Variants in TEN1 observed in about 807,000 individuals in gnomAD.
TEN1 encodes CST complex subunit TEN1.
TEN1 carries 6 observed loss-of-function variants against 9.3 expected under a neutral mutation model. The ratio of observed to expected loss-of-function variants is 0.65; its 90% CI spans 0.35 to 1.27. TEN1 has a LOEUF of 1.27. TEN1 is among the 50% of genes most tolerant of loss of function. The pLI is 0.03. For missense variants in TEN1, 149 were observed against 158.2 expected, an observed-to-expected ratio of 0.94 and a Z score of 0.31; for synonymous variants, 65 against 65.6, an observed-to-expected ratio of 0.99 and a Z score of 0.04.
Position 75,979,277 on chromosome 17 carries a change from G to A in TEN1, c.-241G>A. ...GAGTGACAGCGGCCCAGACAGAGGG[G>A]GCGATGTCCGCGTCGTGGCTGGGGC... On this transcript the variant is annotated 5_prime_UTR_variant, in exon 1 of 4. Transcript: ENST00000397640. 1 of 696,620 alleles carries A rather than the reference G, an allele frequency of 1.4e-6. No homozygotes were observed. The highest frequency in any genetic ancestry group is 2.4e-6 in the Non-Finnish European group (1 of 410,026). The allele number at this position is 696,620 out of a possible 1,614,324, so 43.2% of individuals were successfully genotyped here.
At chr17:75,994,766 G>A (rs1281488187) in intron 3 of TEN1, among the ~76,000 whole-genome samples, 2 of 152,036 alleles carry the variant, frequency 1.3e-5, no homozygotes, top group East Asian at 3.9e-4. Flanking sequence ...GTGAGCCACC[G>A]CGCCCGGCCT....
At chr17:75,981,599 T>G (rs1037069196) in intron 1 of TEN1, among the ~76,000 whole-genome samples, 22 of 149,530 alleles carry the variant, frequency 1.5e-4, no homozygotes, top group Non-Finnish European at 2.5e-4. Flanking sequence ...GCAAGTTGTT[T>G]TTTTTTTTTT....
intron 3 of TEN1, among the ~76,000 whole-genome samples, chr17:75,993,775 T>TCA: frequency 6.6e-6 from 1 of 151,802 alleles, no homozygotes; most frequent in Non-Finnish European, 1.5e-5. Flanking sequence ...GGCGGGCGGA[T>TCA]CTCGAGGTCA....
intron 1 of TEN1, among the ~76,000 whole-genome samples, chr17:75,980,558 G>A (rs1367677502): frequency 6.6e-6 from 1 of 151,940 alleles, no homozygotes; most frequent in Non-Finnish European, 1.5e-5. Context: ...CTCCCGAGTA[G>A]CTGGGATTAT....
At chr17:75,996,695 T>G (rs903909193) in intron 3 of TEN1, among the ~76,000 whole-genome samples, 1 of 100,936 alleles carries the variant, frequency 9.9e-6, no homozygotes, top group Non-Finnish European at 1.8e-5. Context: ...GGTGACAGAG[T>G]GAGACCCTGT....
rs936071653 is a variant in TEN1, at chr17:75,991,681, C to T, written c.250+58C>T. ...CTGGGGCCTGAGCTGGGGCAGTCTTCGGGGCAGTCAGTGAGAAATGGGCTC... is the reference window on the plus strand; with the variant it reads ...CTGGGGCCTGAGCTGGGGCAGTCTTTGGGGCAGTCAGTGAGAAATGGGCTC... On this transcript the variant is annotated intron_variant, in intron 3 of 3. Transcript: ENST00000397640. The T allele has an allele frequency of 9.4e-5, 143 of 1,520,892 alleles. No homozygotes were observed. In the East Asian group the frequency reaches 3.3e-3, roughly 35 times the overall value. 94.2% of individuals were successfully genotyped at this position (1,520,892 alleles called of 1,614,324 possible). A position where few individuals can be genotyped will look rare whatever the true frequency, so the allele number is the denominator to read the frequency against.
At chr17:75,998,319 TA>T (rs1174207311) in intron 3 of TEN1, among the ~76,000 whole-genome samples, 2 of 151,732 alleles carry the variant, frequency 1.3e-5, no homozygotes, top group African/African-American at 4.8e-5. Flanking sequence ...GTAACTTTTG[TA>T]TTTTTAGTAG....
Position 75,991,596 on chromosome 17 carries a change from G to A in TEN1, c.223G>A (p.Val75Ile), listed in dbSNP as rs929018097. Residue 75 changes from valine to isoleucine, a missense_variant, in exon 3 of 4, where the codon GTC becomes ATC. By Grantham distance (29) the Val-to-Ile change is conservative. Coordinates refer to ENST00000397640, the MANE Select transcript of TEN1 (RefSeq NM_001113324.3). The part of the protein sequence containing the change: ...FHAQVGSLYI[V>I]LGELQHQQDR... Reference sequence around the variant, plus strand: ...CGCCCAGGTGGGCTCCCTGTACATCGTCCTCGGGGAGCTCCAGCATCAGCA... The same window carrying A: ...CGCCCAGGTGGGCTCCCTGTACATCATCCTCGGGGAGCTCCAGCATCAGCA... 2.6e-5 allele frequency: 40 copies of A among 1,551,716 alleles called. No individual in the cohort carries two copies. Among genetic ancestry groups the A allele is most frequent in the East Asian group, 2.0e-4 (8 of 40,942 alleles).
At position 75,996,706 on chromosome 17, in the gene TEN1, C is replaced by CAA. The variant is rs35106916; in HGVS notation, c.251-3419_251-3418dup. ...CCTGGGTGACAGAGTGAGACCCTGT[C>CAA]AAAAAAAAAAAAAAAAAGAGAGAGA... On this transcript the variant is annotated intron_variant, in intron 3 of 3. Transcript: ENST00000397640. Among the ~76,000 whole-genome samples the CAA allele has an allele frequency of 1.2e-3, 115 of 95,694 alleles. 1 individual carries two copies. In the Middle Eastern group the frequency reaches 0.022, roughly 18 times the overall value. 62.8% of individuals were successfully genotyped at this position (95,694 alleles called of 152,430 possible). A position where few individuals can be genotyped will look rare whatever the true frequency, so the allele number is the denominator to read the frequency against.
chr17:75,980,809 G>T (rs2066112865), intron 1 of TEN1, among the ~76,000 whole-genome samples: 1 of 152,156 alleles, frequency 6.6e-6, no homozygotes, highest in South Asian at 2.1e-4. Flanking sequence ...TTGAATAATA[G>T]AACTATAATA....
intron 1 of TEN1, among the ~76,000 whole-genome samples, chr17:75,981,627 C>T (rs1364645751): frequency 6.6e-6 from 1 of 150,506 alleles, no homozygotes; most frequent in East Asian, 1.9e-4. Context: ...TTCTGTCCTC[C>T]TCTCCCTCAG....
chr17:75,990,827 T>G (rs1359010340), intron 2 of TEN1, among the ~76,000 whole-genome samples: 1 of 149,830 alleles, frequency 6.7e-6, no homozygotes, highest in East Asian at 1.9e-4. Flanking sequence ...AAAGATTTCT[T>G]AGACAAGACA....
Position 75,979,517 on chromosome 17 carries a change from C to T in TEN1, c.-7+6C>T. ...ACCGGCGACGCCTAGAACAGGTTGGCTGGGGCCTTGGGAAGGGGGCGGGAC... is the reference window on the plus strand; with the variant it reads ...ACCGGCGACGCCTAGAACAGGTTGGTTGGGGCCTTGGGAAGGGGGCGGGAC... On this transcript the variant is annotated splice_donor_region_variant and intron_variant, in intron 1 of 3. Transcript: ENST00000397640. 1 of 311,474 alleles carries T rather than the reference C, an allele frequency of 3.2e-6. No individual in the cohort carries two copies. The highest frequency in any genetic ancestry group is 2.6e-5 in the South Asian group (1 of 38,116). The allele number at this position is 311,474 out of a possible 1,614,324, so 19.3% of individuals were successfully genotyped here.
In TEN1 at chr17:75,979,384, A is replaced by C. The variant is rs943527263; in HGVS notation, c.-134A>C. On this transcript the variant is annotated 5_prime_UTR_variant, in exon 1 of 4. Transcript: ENST00000397640. Reference sequence around the variant, plus strand: ...CCTCGGGAAAGGGGCTCCGAAGGTCAAGAAACTGCCCTGCTGGGCGTCCGG... The same window carrying C: ...CCTCGGGAAAGGGGCTCCGAAGGTCCAGAAACTGCCCTGCTGGGCGTCCGG... 1.9e-6 allele frequency: 1 copy of C among 519,818 alleles called. No homozygotes were observed. The highest frequency in any genetic ancestry group is 2.0e-5 in the South Asian group (1 of 49,368). 32.2% of individuals were successfully genotyped at this position (519,818 alleles called of 1,614,324 possible).
intron 1 of TEN1, among the ~76,000 whole-genome samples, chr17:75,980,302 G>A (rs867101806): frequency 5.3e-5 from 8 of 152,006 alleles, no homozygotes; most frequent in African/African-American, 1.7e-4. Context: ...TTGTGACATT[G>A]CACTCCATCC....
At chr17:75,984,170 A>G (rs2066138404) in intron 1 of TEN1, among the ~76,000 whole-genome samples, 1 of 152,212 alleles carries the variant, frequency 6.6e-6, no homozygotes, top group African/African-American at 2.4e-5. Context: ...GCCAAAGGCA[A>G]GAGGGGGACT....
chr17:75,999,886 A>C (rs1014989057), intron 3 of TEN1, among the ~76,000 whole-genome samples: 2 of 152,068 alleles, frequency 1.3e-5, no homozygotes, highest in African/African-American at 4.8e-5. Context: ...CAAGGTGCCA[A>C]GGGGGCCTTT....
intron 1 of TEN1, among the ~76,000 whole-genome samples, chr17:75,980,834 C>T (rs1003478841): frequency 4.6e-5 from 7 of 152,224 alleles, no homozygotes; most frequent in African/African-American, 1.7e-4. Flanking sequence ...CTCTTAACCC[C>T]TAGGACCTCA....
At chr17:75,981,717 C>T (rs960402171) in intron 1 of TEN1, among the ~76,000 whole-genome samples, 2 of 151,924 alleles carry the variant, frequency 1.3e-5, no homozygotes, top group Admixed American at 6.6e-5. Flanking sequence ...AGTCATTTAC[C>T]CCCAAAGCCA....
Sources: allele counts gnomAD v4.1 joint callset (sites outside exome capture counted in the v4.1 genomes callset), GRCh38; gene constraint gnomAD v4.1.1; transcripts MANE v1.5; gene names NCBI Gene and HGNC (gene_info 2026-07-23, HGNC 2026-07-21).